The following VPS13B variants were observed in gnomAD, a reference collection of about 807,000 sequenced individuals.
VPS13B encodes the protein intermembrane lipid transfer protein VPS13B.
In VPS13B, 285 loss-of-function variants were observed where a neutral mutation model predicts 426.4. The ratio of observed to expected loss-of-function variants is 0.67; its 90% CI spans 0.61 to 0.74. VPS13B has a LOEUF of 0.74. VPS13B is among the 30% of genes least tolerant of loss of function. The probability of loss-of-function intolerance (pLI) is 0.00; values close to 1 mark genes in which losing one functional copy is unlikely to be tolerated. For synonymous variants in VPS13B, 1,676 were observed against 1,676.4 expected, an observed-to-expected ratio of 1.00 and a Z score of 0.01; for missense variants, 4,537 against 4,782.6, an observed-to-expected ratio of 0.95 and a Z score of 1.51.
chr8:99,233,347 A>C (rs1816452497), intron 17 of VPS13B: 2 of 1,063,184 alleles, frequency 1.9e-6, no homozygotes. Context: ...GGGGTTAAAG[A>C]AGTTTTCTTC....
intron 8 of VPS13B, among the ~76,000 whole-genome samples, chr8:99,123,122 C>CAAAAA (rs71273164): frequency 2.8e-4 from 17 of 61,420 alleles, no homozygotes; most frequent in African/African-American, 5.6e-4. Context: ...ACTCTGTCTC[C>CAAAAA]AAAAAAAAAA....
At chr8:99,197,725 A>G (rs1474099240) in intron 17 of VPS13B, among the ~76,000 whole-genome samples, 1 of 152,134 alleles carries the variant, frequency 6.6e-6, no homozygotes, top group Non-Finnish European at 1.5e-5. Flanking sequence ...TATCTTGTCA[A>G]AAAACCAAAT....
rs934457464 is a variant in VPS13B at position 99,218,412 on chromosome 8, G to A, written c.2515+25355G>A. ...AGATGATTCCTTTGTGATGACAGAT[G>A]CATTTGTTGACATTTATTTACAGTC... On this transcript the variant is annotated intron_variant, in intron 17 of 61. Transcript: ENST00000357162. Among the ~76,000 whole-genome samples the A allele has an allele frequency of 3.3e-5, 5 of 152,144 alleles. No homozygotes were observed. In the East Asian group the frequency reaches 7.7e-4, roughly 23 times the overall value.
rs370381321 is a variant in VPS13B, at chr8:99,155,245, A to C, written c.2014-1304A>C. 4.3e-4 allele frequency among the ~76,000 whole-genome samples: 66 copies of C among 152,324 alleles called. No individual in the cohort carries two copies. The Middle Eastern group carries it at 0.01, about 24-fold the overall frequency. ...CTAAGAAATATTACTGAAATAAAGA[A>C]AGCCACTTCATAATGATAAAAGTGT... On this transcript the variant is annotated intron_variant, in intron 14 of 61. Coordinates refer to ENST00000357162, the MANE Select transcript of VPS13B (RefSeq NM_152564.5).
intron 43 of VPS13B, chr8:99,804,228 C>G (rs1016797726): frequency 6.6e-6 from 1 of 152,598 alleles, no homozygotes; most frequent in Non-Finnish European, 1.5e-5. Flanking sequence ...TGCCATGAGG[C>G]AGCAGGAATT....
rs747907679 is a variant in VPS13B at position 99,809,416 on chromosome 8, G to C, written c.7983G>C (p.Trp2661Cys). The C allele has an allele frequency of 3.1e-6, 5 of 1,613,916 alleles. No individual in the cohort carries two copies. In the South Asian group the frequency reaches 4.4e-5, roughly 14 times the overall value. Residue 2661 changes from tryptophan (W) to cysteine (C), a missense_variant, in exon 44 of 62, where the codon TGG becomes TGC. Trp to Cys is a radical substitution (Grantham distance 215). Around this residue, in one of 2 missense-constraint regions of VPS13B, gnomAD observed 4,311 missense variants for 4,474.3 expected, o/e 0.96. Coordinates refer to ENST00000357162, the MANE Select transcript of VPS13B (RefSeq NM_152564.5). The part of the protein sequence containing the change: ...ICIEGWGNWR[W>C]SEPFSVDHAG... ...TTGAAGGTTGGGGCAACTGGCGTTG[G>C]TCAGAGCCTTTCAGTGTGGACCATG... is the stretch of plus-strand genomic sequence containing the variant.
intron 23 of VPS13B, among the ~76,000 whole-genome samples, chr8:99,458,282 G>A (rs1244808159): frequency 4.6e-5 from 7 of 152,144 alleles, no homozygotes. Flanking sequence ...ATTCCATGGT[G>A]TATATGTGCC....
rs201727789 is a variant in VPS13B at position 99,465,405 on chromosome 8, GT to G, written c.3446-1993del. Among the ~76,000 whole-genome samples, 400 of 133,512 alleles carry G rather than the reference GT, an allele frequency of 3.0e-3. 1 individual carries two copies. Among genetic ancestry groups the G allele is most frequent in the Middle Eastern group, 7.6e-3 (2 of 264 alleles). 87.6% of individuals were successfully genotyped at this position (133,512 alleles called of 152,430 possible). A position where few individuals can be genotyped will look rare whatever the true frequency, so the allele number is the denominator to read the frequency against. ...GACATGAAGTGTAGTACCTTGAAAGGTTTTTTTTTTTTTTTTAGGAGTTAGG... is the reference window on the plus strand; with the variant it reads ...GACATGAAGTGTAGTACCTTGAAAGGTTTTTTTTTTTTTTTAGGAGTTAGG... On this transcript the variant is annotated intron_variant, in intron 23 of 61. Coordinates refer to ENST00000357162, the MANE Select transcript of VPS13B (RefSeq NM_152564.5).
At chr8:99,532,056 T>C (rs1176093447) in intron 30 of VPS13B, among the ~76,000 whole-genome samples, 1 of 152,142 alleles carries the variant, frequency 6.6e-6, no homozygotes, top group Admixed American at 6.5e-5. Context: ...TTAACTTTCA[T>C]CTTTAACTTG....
chr8:99,044,637 C>T (rs1346035084), intron 3 of VPS13B, among the ~76,000 whole-genome samples: 1 of 151,908 alleles, frequency 6.6e-6, no homozygotes, highest in African/African-American at 2.4e-5. Context: ...TGTCTTTTAT[C>T]CCTTACCTCT....
At chr8:99,642,619 A>G (rs1829415306) in intron 34 of VPS13B, 121 bp downstream of exon 34, 3 of 872,270 alleles carry the variant, frequency 3.4e-6, no homozygotes, top group Middle Eastern at 3.4e-4. Context: ...TCTACAGAAT[A>G]TGGAAAGTTC....
intron 35 of VPS13B, among the ~76,000 whole-genome samples, chr8:99,675,107 T>C (rs148199521): frequency 8.6e-4 from 131 of 152,302 alleles, no homozygotes; most frequent in African/African-American, 3.1e-3. Flanking sequence ...TTAGCATTTA[T>C]TGTAATGCAG....
intron 12 of VPS13B, among the ~76,000 whole-genome samples, chr8:99,142,355 A>G (rs929993817): frequency 6.6e-6 from 1 of 152,218 alleles, no homozygotes; most frequent in South Asian, 2.1e-4. Flanking sequence ...TAAGAGATGT[A>G]CATATTAGAT....
At chr8:99,284,798 C>T (rs1290830060) in intron 19 of VPS13B, among the ~76,000 whole-genome samples, 1 of 152,006 alleles carries the variant, frequency 6.6e-6, no homozygotes, top group Non-Finnish European at 1.5e-5. Context: ...TACGTTCAAG[C>T]GATCTTTCCA....
intron 12 of VPS13B, among the ~76,000 whole-genome samples, chr8:99,141,729 A>G (rs1810431073): frequency 6.6e-6 from 1 of 152,046 alleles, no homozygotes; most frequent in Non-Finnish European, 1.5e-5. Context: ...TCGTCTGGTT[A>G]AAAATATGTG....
At chr8:99,548,856 A>G (rs1343651890) in intron 30 of VPS13B, among the ~76,000 whole-genome samples, 1 of 152,026 alleles carries the variant, frequency 6.6e-6, no homozygotes, top group Non-Finnish European at 1.5e-5. Flanking sequence ...TTAAATTTTT[A>G]TCTGCCTAAA....
intron 19 of VPS13B, among the ~76,000 whole-genome samples, chr8:99,379,353 C>T (rs538601784): frequency 2.0e-4 from 30 of 151,890 alleles, no homozygotes; most frequent in Middle Eastern, 3.4e-3. Context: ...TTTTTTTTGG[C>T]GGATGGGCGG....
At position 99,108,121 on chromosome 8, in the gene VPS13B, A is replaced by AT. The variant is rs571054455; in HGVS notation, c.581-2974dup. The stretch of plus-strand genomic sequence containing the variant: ...GTGTTTGGTTTTCTGTTCCTGCATA[A>AT]TTTGCCTAGGATAATGCCCTCCAGC... On this transcript the variant is annotated intron_variant, in intron 5 of 61. Transcript: ENST00000357162. 2.7e-3 allele frequency among the ~76,000 whole-genome samples: 409 copies of AT among 152,234 alleles called. 3 individuals carry two copies. The highest frequency in any genetic ancestry group is 9.5e-3 in the African/African-American group (396 of 41,534).
chr8:99,640,004 T>TAAGAAGAAGAAG (rs1474132808), intron 33 of VPS13B, among the ~76,000 whole-genome samples: 3 of 75,856 alleles, frequency 4.0e-5, no homozygotes, highest in African/African-American at 1.7e-4. Flanking sequence ...ATAATAATAA[T>TAAGAAGAAGAAG]AATAATAATA....
Sources: allele counts gnomAD v4.1 joint callset (sites outside exome capture counted in the v4.1 genomes callset), GRCh38; gene constraint gnomAD v4.1.1; regional missense constraint gnomAD v4.1.1; transcripts MANE v1.5; gene names NCBI Gene and HGNC (gene_info 2026-07-23, HGNC 2026-07-21).